The following NBEA variants were observed in gnomAD, a reference collection of about 807,000 sequenced individuals.
The protein encoded by NBEA is lysosomal-trafficking regulator 2.
A neutral mutation model predicts 343.4 loss-of-function variants in NBEA; 44 were observed. That is an observed-to-expected ratio of 0.13 (90% confidence interval 0.10 to 0.16). The LOEUF is 0.16. Among genes scored for constraint, NBEA ranks in the 10% least tolerant of loss-of-function variants. NBEA has a pLI of 1.00. For missense variants in NBEA, 2,555 were observed against 3,631.3 expected (o/e 0.70, Z 7.62); for synonymous variants, 1,175 against 1,238.7 (o/e 0.95, Z 1.08).
chr13:35,612,992 G>A (rs1221781886), intron 48 of NBEA, among the ~76,000 whole-genome samples: 1 of 151,412 alleles, frequency 6.6e-6, no homozygotes, highest in African/African-American at 2.4e-5. Flanking sequence ...TTTGATATAT[G>A]TATACAAGTC....
At chr13:35,279,805 C>G (rs1376257418) in intron 34 of NBEA, among the ~76,000 whole-genome samples, 1 of 151,928 alleles carries the variant, frequency 6.6e-6, no homozygotes, top group East Asian at 1.9e-4. Flanking sequence ...GTAGCGTTAC[C>G]ACAACATAGG....
rs1267175976 is a variant in NBEA, at chr13:35,299,903, C to G, written c.5838+9453C>G. On this transcript the variant is annotated intron_variant, in intron 35 of 58. Transcript: ENST00000379939. ...GTGTGCCTTGTTTTAAGCAAATTCT[C>G]TAAGTTTATGTATTTGTCAGAGAGA... 2.6e-5 allele frequency among the ~76,000 whole-genome samples: 4 copies of G among 152,256 alleles called. No individual in the cohort carries two copies. In the East Asian group the frequency reaches 5.8e-4, roughly 22 times the overall value.
intron 1 of NBEA, among the ~76,000 whole-genome samples, chr13:34,999,248 G>A (rs2061040844): frequency 6.6e-6 from 1 of 152,102 alleles, no homozygotes; most frequent in East Asian, 1.9e-4. Flanking sequence ...TATGTGTGGA[G>A]TACTTTAGAT....
intron 28 of NBEA, among the ~76,000 whole-genome samples, chr13:35,181,210 A>T (rs2071292890): frequency 6.6e-6 from 1 of 151,880 alleles, no homozygotes; most frequent in Admixed American, 6.6e-5. Flanking sequence ...TCCGGGATCA[A>T]ATGATAATTC....
At chr13:35,077,254 C>G (rs2064160910) in intron 10 of NBEA, among the ~76,000 whole-genome samples, 1 of 152,090 alleles carries the variant, frequency 6.6e-6, no homozygotes, top group African/African-American at 2.4e-5. Context: ...GTGCTTATCT[C>G]TAGCTTGCCT....
At chr13:35,234,324 C>T (rs2075121409) in intron 34 of NBEA, among the ~76,000 whole-genome samples, 1 of 152,120 alleles carries the variant, frequency 6.6e-6, no homozygotes, top group African/African-American at 2.4e-5. Context: ...GCAAAATGAA[C>T]TTTAAAAGTT....
At chr13:35,505,240 A>C (rs1379729515) in intron 41 of NBEA, among the ~76,000 whole-genome samples, 1 of 152,196 alleles carries the variant, frequency 6.6e-6, no homozygotes, top group Non-Finnish European at 1.5e-5. Context: ...AAAAAAAATT[A>C]GTTGACAATA....
intron 49 of NBEA, among the ~76,000 whole-genome samples, chr13:35,642,455 G>T (rs909963952): frequency 1.3e-5 from 2 of 152,132 alleles, no homozygotes; most frequent in Non-Finnish European, 2.9e-5. Context: ...ACATGCTCAT[G>T]AGCTCACGTG....
chr13:35,110,714 T>A, intron 12 of NBEA, 96 bp from the exon 13 acceptor site: 1 of 970,246 alleles, frequency 1.0e-6, no homozygotes, highest in Non-Finnish European at 1.5e-6. Flanking sequence ...TCTTGGTCTT[T>A]ACTAATTCAC....
intron 37 of NBEA, among the ~76,000 whole-genome samples, chr13:35,350,727 G>GAT (rs2040150018): frequency 1.8e-5 from 2 of 110,978 alleles, no homozygotes; most frequent in Middle Eastern, 4.9e-3. Flanking sequence ...TAGAGCTATT[G>GAT]ATGTGTGTGT....
chr13:35,462,647 C>G (rs563801038), intron 40 of NBEA, among the ~76,000 whole-genome samples: 1 of 151,966 alleles, frequency 6.6e-6, no homozygotes, highest in Admixed American at 6.6e-5. Flanking sequence ...TCACTCTGGC[C>G]CTTGTGTAGA....
chr13:35,058,513 C>A (rs1023437273), intron 7 of NBEA, among the ~76,000 whole-genome samples: 8 of 151,962 alleles, frequency 5.3e-5, no homozygotes, highest in Admixed American at 5.3e-4. Context: ...TTTGCTTAAA[C>A]ATAAGTGTGA....
intron 19 of NBEA, 101 bp from the exon 20 acceptor site, chr13:35,155,982 C>T: frequency 6.8e-7 from 1 of 1,470,062 alleles, no homozygotes. Context: ...TTTTAACTCA[C>T]CTTTTATAGT....
intron 38 of NBEA, among the ~76,000 whole-genome samples, chr13:35,393,360 A>C (rs941824422): frequency 6.6e-6 from 1 of 152,150 alleles, no homozygotes; most frequent in Non-Finnish European, 1.5e-5. Flanking sequence ...AAGAAGTACA[A>C]TACTCCAAAA....
intron 39 of NBEA, among the ~76,000 whole-genome samples, chr13:35,449,801 C>T (rs903961680): frequency 6.6e-6 from 1 of 152,154 alleles, no homozygotes; most frequent in African/African-American, 2.4e-5. Context: ...CCATTTAATT[C>T]CCCTCCCCTC....
chr13:35,228,794 A>G (rs568612957), intron 33 of NBEA, among the ~76,000 whole-genome samples: 1 of 152,270 alleles, frequency 6.6e-6, no homozygotes, highest in South Asian at 2.1e-4. Context: ...AGTGTGACTT[A>G]AGGGGAAAAA....
chr13:35,159,713 G>T lies in NBEA; in HGVS notation c.3542G>T (p.Ser1181Ile). 1 of 1,613,186 alleles carries T rather than the reference G, an allele frequency of 6.2e-7. No homozygotes were observed. The highest frequency in any genetic ancestry group is 8.5e-7 in the Non-Finnish European group (1 of 1,179,614). The change falls in exon 22 of 59, where the codon AGT becomes ATT. Residue 1181 changes from serine to isoleucine, a missense_variant. Transcript: ENST00000379939. ...GACACACAAGTACATCTTGGTGTTA[G>T]TGATGATCTTGGATTGCTTGCTCAC... ...IQDTQVHLGVSDDLGLLAHMT... is the reference protein window; with the variant it reads ...IQDTQVHLGVIDDLGLLAHMT...
At chr13:35,060,411 G>A (rs897414381) in intron 8 of NBEA, among the ~76,000 whole-genome samples, 2 of 151,732 alleles carry the variant, frequency 1.3e-5, no homozygotes, top group African/African-American at 4.8e-5. Flanking sequence ...TTTAACAGCA[G>A]TGATAATGAG....
intron 53 of NBEA, among the ~76,000 whole-genome samples, chr13:35,654,369 G>A (rs183978257): frequency 1.5e-4 from 23 of 152,266 alleles, no homozygotes; most frequent in Admixed American, 5.9e-4. Context: ...GGCTGCCCAC[G>A]TAACAACATC....
Sources: allele counts gnomAD v4.1 joint callset (sites outside exome capture counted in the v4.1 genomes callset), GRCh38; gene constraint gnomAD v4.1.1; transcripts MANE v1.5; gene names NCBI Gene and HGNC (gene_info 2026-07-23, HGNC 2026-07-21).